NCAM1: variants seen among roughly 807,000 people sequenced by gnomAD.
NCAM1 encodes antigen recognized by monoclonal antibody 5.1H11.
Under a neutral mutation model 109.8 loss-of-function variants are expected in NCAM1, and 14 were observed. The ratio of observed to expected loss-of-function variants is 0.13; its 90% CI spans 0.08 to 0.20. The LOEUF (loss-of-function observed/expected upper bound fraction) is 0.20. NCAM1 is among the 10% of genes least tolerant of loss of function. NCAM1 has a pLI of 1.00. For synonymous variants in NCAM1, 418 were observed against 442.9 expected (o/e 0.94, Z 0.70); for missense variants, 774 against 1,109.9 (o/e 0.70, Z 4.30).
Position 113,275,340 on chromosome 11 carries a change from G to A in NCAM1, c.2530G>A (p.Val844Ile). The change falls in exon 20 of 20, where the codon GTC (valine) becomes ATC (isoleucine). Residue 844 changes from valine (V) to isoleucine (I), a missense_variant. By Grantham distance (29) the Val-to-Ile change is conservative. Coordinates refer to ENST00000316851, the MANE Select transcript of NCAM1 (RefSeq NM_181351.5). The stretch of plus-strand genomic sequence containing the variant: ...GCCAGCGCCAGCCGAAGTCAAGACG[G>A]TCCCCAATGACGCCACACAGACAAA... ...TKPAPAEVKT[V>I]PNDATQTKEN... is the part of the protein sequence containing the mutation. 1 of 1,613,484 alleles carries A rather than the reference G, an allele frequency of 6.2e-7. No homozygotes were observed.
Position 113,158,213 on chromosome 11 carries a change from A to G in NCAM1, c.53-44166A>G, listed in dbSNP as rs78800754. 4.1e-3 allele frequency among the ~76,000 whole-genome samples: 629 copies of G among 152,334 alleles called. 3 individuals are homozygous for G. Among genetic ancestry groups the G allele is most frequent in the African/African-American group, 0.014 (597 of 41,570 alleles). On this transcript the variant is annotated intron_variant, in intron 1 of 19. Coordinates refer to ENST00000316851, the MANE Select transcript of NCAM1 (RefSeq NM_181351.5). ...ATGAGTTTCCAAAAAGCAATTCTTCACTTGAAAGCTTGAATTTTATTGTTA... is the reference window on the plus strand; with the variant it reads ...ATGAGTTTCCAAAAAGCAATTCTTCGCTTGAAAGCTTGAATTTTATTGTTA...
intron 17 of NCAM1, among the ~76,000 whole-genome samples, chr11:113,260,719 T>G (rs1195246513): frequency 1.3e-5 from 2 of 152,162 alleles, no homozygotes; most frequent in African/African-American, 4.8e-5. Flanking sequence ...TCTAAGCACT[T>G]CCTATCTGAT....
chr11:113,172,938 G>A (rs566693051), intron 1 of NCAM1, among the ~76,000 whole-genome samples: 12 of 152,310 alleles, frequency 7.9e-5, no homozygotes, highest in South Asian at 2.1e-4. Flanking sequence ...AAATGATGTC[G>A]AATAGTTTTT....
At chr11:113,159,636 A>AT (rs1296054981) in intron 1 of NCAM1, among the ~76,000 whole-genome samples, 10 of 151,160 alleles carry the variant, frequency 6.6e-5, no homozygotes, top group Admixed American at 3.3e-4. Context: ...CATGCATTTT[A>AT]TTTTTTTTTC....
chr11:113,191,020 T>G (rs1012161147), intron 1 of NCAM1, among the ~76,000 whole-genome samples: 19 of 152,200 alleles, frequency 1.2e-4, no homozygotes, highest in African/African-American at 4.6e-4. Context: ...AAGGATAATT[T>G]TATTATCAAC....
chr11:113,061,903 G>A (rs1213336231), intron 1 of NCAM1, among the ~76,000 whole-genome samples: 1 of 151,964 alleles, frequency 6.6e-6, no homozygotes, highest in African/African-American at 2.4e-5. Context: ...GATTTTCCTT[G>A]GATTAATTAA....
At chr11:113,095,332 A>G (rs77155023) in intron 1 of NCAM1, among the ~76,000 whole-genome samples, 7,948 of 151,944 alleles carry the variant, frequency 0.052, 606 homozygotes, top group Admixed American at 0.16. Flanking sequence ...GTGTGTGTGT[A>G]TATGTATGTG....
chr11:113,087,926 G>C (rs1014590904), intron 1 of NCAM1, among the ~76,000 whole-genome samples: 2 of 152,164 alleles, frequency 1.3e-5, no homozygotes, highest in Non-Finnish European at 2.9e-5. Flanking sequence ...ACTGTAGCTG[G>C]CAGGGTAGCA....
intron 1 of NCAM1, among the ~76,000 whole-genome samples, chr11:113,122,356 G>C (rs782526548): frequency 2.0e-5 from 3 of 152,178 alleles, no homozygotes; most frequent in Non-Finnish European, 4.4e-5. Context: ...TAACAGGAAG[G>C]CTGGGATCTT....
chr11:113,076,371 G>C (rs782595618), intron 1 of NCAM1, among the ~76,000 whole-genome samples: 3 of 152,180 alleles, frequency 2.0e-5, no homozygotes, highest in Non-Finnish European at 2.9e-5. Flanking sequence ...AAAACTGCTT[G>C]CTCATTTTTC....
chr11:113,253,306 C>T (rs1488382087), intron 15 of NCAM1, among the ~76,000 whole-genome samples: 3 of 152,092 alleles, frequency 2.0e-5, no homozygotes, highest in Non-Finnish European at 4.4e-5. Flanking sequence ...AACTTTCTGC[C>T]TTAGAGATGT....
chr11:113,251,594 C>T (rs1945680826), intron 15 of NCAM1, among the ~76,000 whole-genome samples: 1 of 152,126 alleles, frequency 6.6e-6, no homozygotes, highest in Admixed American at 6.5e-5. Flanking sequence ...TTTTAATGTT[C>T]CGTTGGTGTA....
chr11:113,004,650 C>T (rs1951848232), intron 1 of NCAM1, among the ~76,000 whole-genome samples: 2 of 152,088 alleles, frequency 1.3e-5, no homozygotes. Context: ...CCCTATTTTC[C>T]ACTCAGGGTG....
chr11:113,157,553 G>T (rs782080378), intron 1 of NCAM1, among the ~76,000 whole-genome samples: 9 of 152,042 alleles, frequency 5.9e-5, no homozygotes, highest in Non-Finnish European at 1.2e-4. Flanking sequence ...TTAACTCTAA[G>T]TATTTTTGGT....
intron 1 of NCAM1, among the ~76,000 whole-genome samples, chr11:113,170,066 T>C (rs1431887768): frequency 2.0e-5 from 3 of 152,210 alleles, no homozygotes; most frequent in African/African-American, 4.8e-5. Context: ...TTGCAAATTA[T>C]ATTTATATTT....
At chr11:113,172,990 G>A (rs146326638) in intron 1 of NCAM1, among the ~76,000 whole-genome samples, 4 of 152,122 alleles carry the variant, frequency 2.6e-5, no homozygotes, top group African/African-American at 7.2e-5. Flanking sequence ...AATACTGCTC[G>A]TGGCAGCTCC....
chr11:113,087,009 G>A (rs1160732785), intron 1 of NCAM1, among the ~76,000 whole-genome samples: 3 of 152,190 alleles, frequency 2.0e-5, no homozygotes, highest in African/African-American at 7.2e-5. Flanking sequence ...CATGGCAACT[G>A]TGCAGATTAG....
At chr11:113,202,957 A>G (rs1320749791) in intron 2 of NCAM1, among the ~76,000 whole-genome samples, 2 of 152,286 alleles carry the variant, frequency 1.3e-5, no homozygotes, top group Admixed American at 1.3e-4. Context: ...TACCAGGTCT[A>G]TTGTGAATAT....
rs1162929415 is a variant in NCAM1 at position 113,277,235 on chromosome 11, A to G, written c.*1848A>G. On this transcript the variant is annotated 3_prime_UTR_variant, in exon 20 of 20. Coordinates refer to ENST00000316851, the MANE Select transcript of NCAM1 (RefSeq NM_181351.5). ...TCCATTCTGTGGGCCACTCTCCCCA[A>G]CGTTCTGACACTTCTGCAGTCTGAT... The G allele has an allele frequency of 1.3e-5, 5 of 398,114 alleles. No homozygotes were observed. The highest frequency in any genetic ancestry group is 7.1e-5 in the East Asian group (2 of 28,070). The allele number at this position is 398,114 out of a possible 1,614,324, so 24.7% of individuals were successfully genotyped here. A position where few individuals can be genotyped will look rare whatever the true frequency, so the allele number is the denominator to read the frequency against.
Sources: gnomAD v4.1 joint callset for allele counts (sites outside exome capture counted in the v4.1 genomes callset) on GRCh38, gnomAD v4.1.1 for gene constraint, MANE v1.5 for transcripts, NCBI Gene and HGNC (gene_info 2026-07-23, HGNC 2026-07-21) for gene names.